The following SLC25A26 variants were observed in gnomAD, a reference collection of about 807,000 sequenced individuals.
SLC25A26 encodes mitochondrial S-adenosylmethionine carrier protein.
In SLC25A26, 36 loss-of-function variants were observed where a neutral mutation model predicts 37.8. That is an observed-to-expected ratio of 0.95 (90% CI 0.73 to 1.26). The LOEUF is 1.26. Ranked by LOEUF, SLC25A26 falls within the 50% of genes most tolerant of loss-of-function variation. The pLI, the probability that SLC25A26 is intolerant of heterozygous loss-of-function variation, is 0.00. For missense variants in SLC25A26, 390 were observed against 331.1 expected (o/e 1.18, Z -1.38); for synonymous variants, 129 against 122.5 (o/e 1.05, Z -0.35).
chr3:66,247,987 T>A (rs1232770456), intron 3 of SLC25A26, among the ~76,000 whole-genome samples: 1 of 152,192 alleles, frequency 6.6e-6, no homozygotes, highest in African/African-American at 2.4e-5. Context: ...ACCTAGAGAT[T>A]ATAAGAAATA....
chr3:66,229,066 G>A (rs1158908869), intron 1 of SLC25A26, among the ~76,000 whole-genome samples: 1 of 152,096 alleles, frequency 6.6e-6, no homozygotes, highest in East Asian at 1.9e-4. Context: ...TACTCTTTAG[G>A]CTTTTGCGTG....
At chr3:66,321,417 C>T (rs1172367631) in intron 5 of SLC25A26, among the ~76,000 whole-genome samples, 1 of 152,174 alleles carries the variant, frequency 6.6e-6, no homozygotes, top group African/African-American at 2.4e-5. Context: ...GCACTGGGCT[C>T]TCAGAGTGCG....
chr3:66,277,802 T>C (rs1166087552), intron 5 of SLC25A26, among the ~76,000 whole-genome samples: 1 of 152,090 alleles, frequency 6.6e-6, no homozygotes, highest in Non-Finnish European at 1.5e-5. Flanking sequence ...ATCTCTAATA[T>C]AATGCACCAA....
At chr3:66,348,285 A>G (rs2076373245) in intron 6 of SLC25A26, among the ~76,000 whole-genome samples, 1 of 152,246 alleles carries the variant, frequency 6.6e-6, no homozygotes, top group East Asian at 1.9e-4. Flanking sequence ...TTTAAAGACC[A>G]TAATCAAGAA....
At chr3:66,200,783 A>G (rs2071098530) in intron 1 of SLC25A26, among the ~76,000 whole-genome samples, 1 of 152,186 alleles carries the variant, frequency 6.6e-6, no homozygotes, top group Non-Finnish European at 1.5e-5. Flanking sequence ...CAAAATCAGA[A>G]ATTACTTACA....
intron 5 of SLC25A26, among the ~76,000 whole-genome samples, chr3:66,338,389 G>A (rs868286810): frequency 4.0e-5 from 6 of 151,890 alleles, no homozygotes; most frequent in East Asian, 1.9e-4. Context: ...AAAGTTGTAC[G>A]TTCCCACTAG....
At chr3:66,195,047 G>A (rs1169979581) in intron 1 of SLC25A26, among the ~76,000 whole-genome samples, 1 of 152,234 alleles carries the variant, frequency 6.6e-6, no homozygotes, top group Non-Finnish European at 1.5e-5. Context: ...TCCTTTACCA[G>A]TGACCCAGTC....
intron 6 of SLC25A26, among the ~76,000 whole-genome samples, chr3:66,360,632 A>C (rs2076676556): frequency 6.6e-6 from 1 of 152,222 alleles, no homozygotes; most frequent in Non-Finnish European, 1.5e-5. Context: ...CAGAGACTGA[A>C]ATTTAAAAAA....
At chr3:66,199,882 G>C (rs2071087809) in intron 1 of SLC25A26, among the ~76,000 whole-genome samples, 1 of 152,190 alleles carries the variant, frequency 6.6e-6, no homozygotes, top group East Asian at 1.9e-4. Flanking sequence ...GACTCTGATT[G>C]TGACCTTCAA....
intron 6 of SLC25A26, chr3:66,355,970 T>G (rs2076565203): frequency 6.6e-6 from 3 of 454,534 alleles, no homozygotes; most frequent in African/African-American, 2.0e-5. Flanking sequence ...GATGATTCTG[T>G]GCACATACTT....
chr3:66,161,422 T>G (rs541894803), intron 1 of SLC25A26, among the ~76,000 whole-genome samples: 3 of 152,294 alleles, frequency 2.0e-5, no homozygotes, highest in Admixed American at 6.5e-5. Context: ...CTGAGTCCCC[T>G]GGGAAATGTG....
At chr3:66,308,506 C>G (rs574082091) in intron 5 of SLC25A26, among the ~76,000 whole-genome samples, 1 of 152,262 alleles carries the variant, frequency 6.6e-6, no homozygotes, top group African/African-American at 2.4e-5. Context: ...TTTCTCTTGC[C>G]TGATTGCCCT....
At chr3:66,297,045 C>T (rs1211480520) in intron 5 of SLC25A26, among the ~76,000 whole-genome samples, 2 of 152,144 alleles carry the variant, frequency 1.3e-5, no homozygotes, top group Admixed American at 1.3e-4. Flanking sequence ...TGGCATTGAG[C>T]GAGGTGCGGT....
intron 5 of SLC25A26, chr3:66,324,076 T>A (rs1044546449): frequency 1.3e-5 from 2 of 151,984 alleles, no homozygotes; most frequent in Non-Finnish European, 2.9e-5. Flanking sequence ...AAAACTCCCA[T>A]GCTGATCAGT....
chr3:66,321,097 C>T (rs2075681757), intron 5 of SLC25A26, among the ~76,000 whole-genome samples: 1 of 152,046 alleles, frequency 6.6e-6, no homozygotes, highest in Non-Finnish European at 1.5e-5. Context: ...AGAGCACATG[C>T]CAGAGACCCC....
At chr3:66,300,818 G>T (rs141723665) in intron 5 of SLC25A26, among the ~76,000 whole-genome samples, 25 of 152,238 alleles carry the variant, frequency 1.6e-4, no homozygotes, top group African/African-American at 5.5e-4. Flanking sequence ...TTGCTAACAC[G>T]TGTATTATAT....
At chr3:66,298,519 AG>A (rs2074975907) in intron 5 of SLC25A26, among the ~76,000 whole-genome samples, 1 of 152,220 alleles carries the variant, frequency 6.6e-6, no homozygotes, top group South Asian at 2.1e-4. Context: ...TGTAATAAAC[AG>A]TTTTCAGAAT....
intron 5 of SLC25A26, among the ~76,000 whole-genome samples, chr3:66,264,270 C>G (rs954621624): frequency 1.1e-4 from 17 of 151,784 alleles, no homozygotes; most frequent in African/African-American, 3.9e-4. Flanking sequence ...ACAAGAGCGA[C>G]TCTGTCTCCA....
upstream of SLC25A26, among the ~76,000 whole-genome samples, chr3:66,219,886 A>AG (rs2071422931): frequency 6.6e-6 from 1 of 152,236 alleles, no homozygotes; most frequent in Non-Finnish European, 1.5e-5. Flanking sequence ...GCCACTTTAC[A>AG]GGGGAGAAAA....
Sources: allele counts gnomAD v4.1 joint callset (sites outside exome capture counted in the v4.1 genomes callset), GRCh38; gene constraint gnomAD v4.1.1; transcripts MANE v1.5; gene names NCBI Gene and HGNC (gene_info 2026-07-23, HGNC 2026-07-21).